CNTN4: variants seen among roughly 807,000 people sequenced by gnomAD.
The protein encoded by CNTN4 is contactin 4, also known as contactin-4.
CNTN4 carries 77 observed loss-of-function variants against 122.5 expected under a neutral mutation model. The ratio of observed to expected loss-of-function variants is 0.63; its 90% CI spans 0.52 to 0.76. The LOEUF (loss-of-function observed/expected upper bound fraction) is 0.76. Among genes scored for constraint, CNTN4 ranks in the 30% least tolerant of loss-of-function variants. The pLI is 0.00. For synonymous variants in CNTN4, 512 were observed against 447.0 expected (o/e 1.15, Z -1.83); for missense variants, 1,256 against 1,259.1 (o/e 1.00, Z 0.04).
chr3:2,658,654 T>C (rs1232247930), intron 4 of CNTN4, among the ~76,000 whole-genome samples: 1 of 152,180 alleles, frequency 6.6e-6, no homozygotes, highest in Non-Finnish European at 1.5e-5. Flanking sequence ...CCTTTATTCC[T>C]TTTGGACATT....
chr3:2,395,797 A>G (rs2046619674), intron 3 of CNTN4, among the ~76,000 whole-genome samples: 1 of 152,150 alleles, frequency 6.6e-6, no homozygotes, highest in South Asian at 2.1e-4. Flanking sequence ...GCTGTATAGT[A>G]TTCTATAGCA....
Position 3,048,613 on chromosome 3 carries a change from C to G in CNTN4, c.2811+4909C>G, listed in dbSNP as rs188046550. 3.3e-5 allele frequency among the ~76,000 whole-genome samples: 5 copies of G among 152,162 alleles called. No individual in the cohort carries two copies. In the East Asian group the frequency reaches 9.7e-4, roughly 29 times the overall value. On this transcript the variant is annotated intron_variant, in intron 23 of 24. Coordinates refer to ENST00000418658, the MANE Select transcript of CNTN4 (RefSeq NM_175607.3). ...GTCCCATGATAGCTCAGGAAACTCT[C>G]CCTAGTGTCACTTTTAGGGTGAGAT...
At chr3:2,158,706 T>C (rs957375362) in intron 2 of CNTN4, among the ~76,000 whole-genome samples, 1 of 152,160 alleles carries the variant, frequency 6.6e-6, no homozygotes, top group Non-Finnish European at 1.5e-5. Context: ...ATAGAAAAAG[T>C]CCAGAAAACA....
intron 13 of CNTN4, among the ~76,000 whole-genome samples, chr3:2,944,507 T>C (rs533943415): frequency 8.4e-4 from 128 of 152,284 alleles, no homozygotes; most frequent in African/African-American, 2.7e-3. Flanking sequence ...ATAGAACCAT[T>C]TTGTATTTAT....
Position 2,399,771 on chromosome 3 carries a change from T to C in CNTN4, c.-89+60538T>C, listed in dbSNP as rs2046773253. Among the ~76,000 whole-genome samples, 3 of 152,064 alleles carry C rather than the reference T, an allele frequency of 2.0e-5. No homozygotes were observed. The South Asian group carries it at 6.2e-4, about 31-fold the overall frequency. ...TGGGTTAATAATGGATTTGGTCTGT[T>C]ATATGGATTCTAAGTGGAATAACTA... On this transcript the variant is annotated intron_variant, in intron 3 of 24. Coordinates refer to ENST00000418658, the MANE Select transcript of CNTN4 (RefSeq NM_175607.3).
intron 3 of CNTN4, among the ~76,000 whole-genome samples, chr3:2,461,773 T>A (rs1453616555): frequency 6.6e-6 from 1 of 152,368 alleles, no homozygotes; most frequent in South Asian, 2.1e-4. Flanking sequence ...CTTTTTATAT[T>A]GGCTCATTTA....
chr3:2,957,901 A>C (rs2094816384), intron 13 of CNTN4, among the ~76,000 whole-genome samples: 1 of 152,098 alleles, frequency 6.6e-6, no homozygotes, highest in Non-Finnish European at 1.5e-5. Flanking sequence ...GATGAACGTA[A>C]AGTGCATATG....
At chr3:2,435,911 C>A (rs545661468) in intron 3 of CNTN4, among the ~76,000 whole-genome samples, 5 of 152,134 alleles carry the variant, frequency 3.3e-5, no homozygotes, top group Admixed American at 6.6e-5. Context: ...TTCTGGTTGT[C>A]GACTTAAACT....
chr3:2,241,868 G>A (rs764761644), intron 2 of CNTN4, among the ~76,000 whole-genome samples: 5 of 152,046 alleles, frequency 3.3e-5, no homozygotes, highest in African/African-American at 4.8e-5. Context: ...TTGTGTTTGC[G>A]GTGGGTGGGC....
intron 13 of CNTN4, among the ~76,000 whole-genome samples, chr3:2,970,094 G>T (rs1692747363): frequency 7.0e-6 from 1 of 143,568 alleles, no homozygotes; most frequent in African/African-American, 2.5e-5. Context: ...GTTGTTGTTT[G>T]TTGTTGTTGT....
At chr3:2,325,097 T>G (rs746981935) in intron 2 of CNTN4, among the ~76,000 whole-genome samples, 3 of 152,204 alleles carry the variant, frequency 2.0e-5, no homozygotes, top group Non-Finnish European at 2.9e-5. Context: ...GTAATAATAC[T>G]AAGAAGGTAT....
intron 4 of CNTN4, among the ~76,000 whole-genome samples, chr3:2,719,847 T>C (rs532220340): frequency 5.9e-5 from 9 of 152,208 alleles, no homozygotes. Context: ...CAGGTTCTAT[T>C]ATAAACAATA....
chr3:2,277,391 T>C (rs1374980065), intron 2 of CNTN4, among the ~76,000 whole-genome samples: 3 of 152,182 alleles, frequency 2.0e-5, no homozygotes, highest in Non-Finnish European at 4.4e-5. Context: ...TGCTTAGTTT[T>C]AAATATATAT....
At chr3:2,322,397 G>T (rs1019807403) in intron 2 of CNTN4, among the ~76,000 whole-genome samples, 1 of 152,088 alleles carries the variant, frequency 6.6e-6, no homozygotes, top group Non-Finnish European at 1.5e-5. Flanking sequence ...CTACAACATG[G>T]ACGCACCTTG....
intron 4 of CNTN4, among the ~76,000 whole-genome samples, chr3:2,659,603 A>G (rs557229628): frequency 6.6e-6 from 1 of 152,262 alleles, no homozygotes; most frequent in African/African-American, 2.4e-5. Flanking sequence ...GTGAATTCTA[A>G]CGACTTTTAC....
intron 3 of CNTN4, among the ~76,000 whole-genome samples, chr3:2,412,470 C>G (rs1176412419): frequency 6.6e-6 from 1 of 152,090 alleles, no homozygotes; most frequent in East Asian, 1.9e-4. Flanking sequence ...TCAGGCTGGT[C>G]TCAAACTCCT....
intron 11 of CNTN4, 25 bp downstream of exon 11, chr3:2,900,846 C>T (rs2151131367): frequency 6.2e-7 from 1 of 1,613,468 alleles, no homozygotes; most frequent in Non-Finnish European, 8.5e-7. Flanking sequence ...GGTAATTGTG[C>T]CTTAGTCTTG....
chr3:2,659,677 T>C (rs1298257782), intron 4 of CNTN4, among the ~76,000 whole-genome samples: 1 of 152,158 alleles, frequency 6.6e-6, no homozygotes, highest in African/African-American at 2.4e-5. Flanking sequence ...CTTGGCTTTC[T>C]ACATACCAGA....
chr3:3,044,228 T>C (rs1015544523), intron 23 of CNTN4, among the ~76,000 whole-genome samples: 1 of 152,218 alleles, frequency 6.6e-6, no homozygotes, highest in African/African-American at 2.4e-5. Flanking sequence ...AGAACATGTC[T>C]GTAGCCTTCT....
Sources: gnomAD v4.1 joint callset for allele counts (sites outside exome capture counted in the v4.1 genomes callset) on GRCh38, gnomAD v4.1.1 for gene constraint, MANE v1.5 for transcripts, NCBI Gene and HGNC (gene_info 2026-07-23, HGNC 2026-07-21) for gene names.